CSNK2A1: variants seen among roughly 807,000 people sequenced by gnomAD.
CSNK2A1 encodes the protein casein kinase II subunit alpha.
CSNK2A1 carries 10 observed loss-of-function variants against 62.9 expected under a neutral mutation model. That is an observed-to-expected ratio of 0.16 (90% CI 0.10 to 0.27). The LOEUF is 0.27. Ranked by LOEUF, CSNK2A1 falls within the 10% of genes least tolerant of loss-of-function variation. The probability of loss-of-function intolerance (pLI) is 1.00; values close to 1 mark genes in which losing one functional copy is unlikely to be tolerated. For synonymous variants in CSNK2A1, 124 were observed against 167.8 expected, an observed-to-expected ratio of 0.74 and a Z score of 2.02; for missense variants, 160 against 492.0, an observed-to-expected ratio of 0.33 and a Z score of 6.38.
chr20:482,383 AC>A lies in CSNK2A1; in HGVS notation c.*1577del, dbSNP rs2017971490. On this transcript the variant is annotated 3_prime_UTR_variant, in exon 14 of 14. Transcript: ENST00000217244. ...CCTGATAAACTTAGGTGGTTGGATT[AC>A]AGTGGAAAGTCCACTTTACACACAC... The A allele has an allele frequency of 6.6e-6, 1 of 152,238 alleles. No homozygotes were observed. Among genetic ancestry groups the A allele is most frequent in the African/African-American group, 2.4e-5 (1 of 41,454 alleles). 9.4% of individuals were successfully genotyped at this position (152,238 alleles called of 1,614,324 possible).
At position 499,552 on chromosome 20, in the gene CSNK2A1, C is replaced by G. The variant is rs1156345447; in HGVS notation, c.316-247G>C. On this transcript the variant is annotated intron_variant, in intron 5 of 13. Coordinates refer to ENST00000217244, the MANE Select transcript of CSNK2A1 (RefSeq NM_177559.3). This position sits in a 1 kb window ranked among gnomAD's most constrained non-coding sequence, Gnocchi z 4.2. ...GGCTCTAGGCAGCCCGACAATGCGC[C>G]CATCGCCCATCGGCATCGGACCTGA... 1.8e-6 allele frequency: 1 copy of G among 550,924 alleles called. No individual in the cohort carries two copies. Among genetic ancestry groups the G allele is most frequent in the African/African-American group, 1.9e-5 (1 of 52,946 alleles). The allele number at this position is 550,924 out of a possible 1,614,324, so 34.1% of individuals were successfully genotyped here.
intron 3 of CSNK2A1, chr20:507,709 G>A (rs1051474672): frequency 2.0e-5 from 3 of 152,166 alleles, no homozygotes; most frequent in African/African-American, 7.2e-5. Flanking sequence ...TCGTCCTCCT[G>A]TATTAACACG....
rs73611631 is a variant in CSNK2A1, at chr20:499,976, AT to A, written c.214-43del. On this transcript the variant is annotated intron_variant, in intron 4 of 13. Transcript: ENST00000217244. This position sits in a 1 kb window ranked among gnomAD's most constrained non-coding sequence, Gnocchi z 4.2. ...ACATCAGCAAAAAAAAAAAAAAAAA[AT>A]TTTTTCAGAGTATTTCAACACGTAG... 59,441 of 1,348,890 alleles carry A rather than the reference AT, an allele frequency of 0.044. 551 individuals carry two copies. Among genetic ancestry groups the A allele is most frequent in the African/African-American group, 0.078 (4,768 of 61,170 alleles). The allele number at this position is 1,348,890 out of a possible 1,614,324, so 83.6% of individuals were successfully genotyped here.
intron 1 of CSNK2A1, among the ~76,000 whole-genome samples, chr20:541,849 C>A (rs1162349175): frequency 6.6e-6 from 1 of 152,162 alleles, no homozygotes; most frequent in African/African-American, 2.4e-5. Flanking sequence ...TTCTTCAAGT[C>A]ATACACCCTC....
At chr20:503,773 A>G (rs1198668005) in intron 4 of CSNK2A1, 1 of 398,114 alleles carries the variant, frequency 2.5e-6, no homozygotes, top group African/African-American at 2.1e-5. Context: ...ATGCAGCAAC[A>G]GGTCTACATA....
intron 2 of CSNK2A1, among the ~76,000 whole-genome samples, chr20:518,165 A>G (rs1187118071): frequency 6.6e-6 from 1 of 152,226 alleles, no homozygotes; most frequent in Non-Finnish European, 1.5e-5. Context: ...AAGTAATTAT[A>G]GCCAAAAGGG....
At chr20:497,530 T>C (rs558303509) in intron 7 of CSNK2A1, among the ~76,000 whole-genome samples, 191 bp downstream of exon 7, 1 of 152,270 alleles carries the variant, frequency 6.6e-6, no homozygotes, top group African/African-American at 2.4e-5. Context: ...CCTCAAGCAA[T>C]CCTCCTGCCT....
At chr20:504,996 A>G in intron 4 of CSNK2A1, 122 bp downstream of exon 4, 2 of 790,880 alleles carry the variant, frequency 2.5e-6, no homozygotes, top group South Asian at 1.9e-5. Context: ...ATAGGATACA[A>G]TAAAATTTTA....
chr20:490,908 A>AC (rs1427683062), intron 9 of CSNK2A1, among the ~76,000 whole-genome samples: 1 of 151,736 alleles, frequency 6.6e-6, no homozygotes, highest in East Asian at 1.9e-4. Flanking sequence ...AAAAAAAAAA[A>AC]AAACCTCCAA....
intron 2 of CSNK2A1, among the ~76,000 whole-genome samples, chr20:518,099 G>A (rs2018864733): frequency 6.6e-6 from 1 of 152,110 alleles, no homozygotes. Context: ...CCAAGTAACT[G>A]AGGCTACAGG....
chr20:495,871 A>G (rs1365297593), intron 7 of CSNK2A1, 69 bp from the exon 8 acceptor site: 5 of 1,405,450 alleles, frequency 3.6e-6, no homozygotes, highest in South Asian at 2.3e-5. Flanking sequence ...TTTTCCCTCC[A>G]TGTAAATTTT....
intron 12 of CSNK2A1, 139 bp downstream of exon 12, chr20:487,288 C>T: frequency 8.4e-7 from 1 of 1,196,296 alleles, no homozygotes; most frequent in Non-Finnish European, 1.2e-6. Flanking sequence ...TAGTTGCCAT[C>T]ACTATCCCCA....
At chr20:528,641 T>G (rs1443172083) in intron 1 of CSNK2A1, among the ~76,000 whole-genome samples, 2 of 152,078 alleles carry the variant, frequency 1.3e-5, no homozygotes, top group Non-Finnish European at 2.9e-5. Context: ...ATGTCTTTTG[T>G]TTTTGTTCTG....
At position 499,245 on chromosome 20, in the gene CSNK2A1, T is replaced by C; in HGVS notation, c.366+10A>G. The stretch of plus-strand genomic sequence containing the variant: ...CCCACTAGCCCGAAACAGTTGGTTA[T>C]ATATTATACCTTGAAGTCTGTGTTG... On this transcript the variant is annotated intron_variant, in intron 6 of 13. Transcript: ENST00000217244. This position sits in a 1 kb window ranked among gnomAD's most constrained non-coding sequence, Gnocchi z 4.2. 6 of 1,595,406 alleles carry C rather than the reference T, an allele frequency of 3.8e-6. No homozygotes were observed. The highest frequency in any genetic ancestry group is 5.1e-6 in the Non-Finnish European group (6 of 1,170,838).
At chr20:497,602 G>C in intron 7 of CSNK2A1, 119 bp downstream of exon 7, 2 of 786,228 alleles carry the variant, frequency 2.5e-6, no homozygotes, top group Non-Finnish European at 4.1e-6. Context: ...AACTTATATA[G>C]AGGTCCCTTC....
chr20:488,133 G>A (rs1351797316), intron 11 of CSNK2A1: 3 of 159,756 alleles, frequency 1.9e-5, no homozygotes, highest in Admixed American at 1.9e-4. Context: ...ATTCCCTCCT[G>A]GGCTCAAGGG....
At chr20:522,496 A>G (rs1359077423) in intron 2 of CSNK2A1, among the ~76,000 whole-genome samples, 1 of 152,216 alleles carries the variant, frequency 6.6e-6, no homozygotes, top group Non-Finnish European at 1.5e-5. Flanking sequence ...AGTCTTCTTC[A>G]AAAGTTTCCA....
chr20:542,112 G>A (rs1000469273), intron 1 of CSNK2A1, among the ~76,000 whole-genome samples: 4 of 152,216 alleles, frequency 2.6e-5, no homozygotes, highest in Non-Finnish European at 4.4e-5. Flanking sequence ...TAGAACAGAA[G>A]AGCCCCAAAT....
At chr20:489,158 C>A in intron 10 of CSNK2A1, 1 of 209,070 alleles carries the variant, frequency 4.8e-6, no homozygotes, top group South Asian at 9.1e-5. Context: ...GACTCCCTTA[C>A]AAGATCAGCT....
Sources: allele counts gnomAD v4.1 joint callset (sites outside exome capture counted in the v4.1 genomes callset), GRCh38; gene constraint gnomAD v4.1.1; non-coding constraint Gnocchi (gnomAD v3.1); transcripts MANE v1.5; gene names NCBI Gene and HGNC (gene_info 2026-07-23, HGNC 2026-07-21).